The following UBE4B variants were observed in gnomAD, a reference collection of about 807,000 sequenced individuals.
UBE4B encodes the protein ubiquitination factor E4B.
A neutral mutation model predicts 148.1 loss-of-function variants in UBE4B; 27 were observed. The observed-to-expected ratio is 0.18, with a 90% CI of 0.13 to 0.25. UBE4B has a LOEUF of 0.25. UBE4B is among the 10% of genes least tolerant of loss of function. The pLI, the probability that UBE4B is intolerant of heterozygous loss-of-function variation, is 1.00. For missense variants in UBE4B, 1,170 were observed against 1,662.4 expected (o/e 0.70, Z 5.15); for synonymous variants, 596 against 619.3 (o/e 0.96, Z 0.56).
rs1645701842 is a variant in UBE4B at position 10,137,201 on chromosome 1, A to C, written c.2359A>C (p.Asn787His). The C allele has an allele frequency of 6.2e-7, 1 of 1,614,078 alleles. No homozygotes were observed. Among genetic ancestry groups the C allele is most frequent in the Non-Finnish European group, 8.5e-7 (1 of 1,179,980 alleles). The change falls in exon 17 of 28, where the codon AAT becomes CAT. Residue 787 changes from asparagine to histidine, a missense_variant. Coordinates refer to ENST00000343090, the MANE Select transcript of UBE4B (RefSeq NM_001105562.3). ...CAGACTCCGGGCTATCCGGGAGCTCAATAGGTATGTGCCATGATACCGTGT... is the reference window on the plus strand; with the variant it reads ...CAGACTCCGGGCTATCCGGGAGCTCCATAGGTATGTGCCATGATACCGTGT... ...IRRLRAIREL[N>H]RTVEDLKNNE... is the part of the protein sequence containing the mutation.
intron 25 of UBE4B, among the ~76,000 whole-genome samples, chr1:10,171,943 TG>T (rs1176631842): frequency 1.3e-5 from 2 of 152,218 alleles, no homozygotes; most frequent in Non-Finnish European, 2.9e-5. Flanking sequence ...TTTGGCGCTC[TG>T]AGCCCTCTCC....
chr1:10,089,050 A>C (rs915404214), intron 2 of UBE4B, among the ~76,000 whole-genome samples: 5 of 152,242 alleles, frequency 3.3e-5, no homozygotes, highest in African/African-American at 1.2e-4. Flanking sequence ...TCTATGGCCC[A>C]GGCTGGAGTG....
At chr1:10,152,121 C>T (rs1207048372) in intron 21 of UBE4B, among the ~76,000 whole-genome samples, 1 of 151,640 alleles carries the variant, frequency 6.6e-6, no homozygotes, top group East Asian at 1.9e-4. Context: ...ATTAAATTAG[C>T]CGGGCATGGT....
intron 17 of UBE4B, among the ~76,000 whole-genome samples, chr1:10,138,036 G>A (rs894759992): frequency 2.1e-5 from 3 of 144,738 alleles, no homozygotes; most frequent in Admixed American, 7.1e-5. Context: ...CCAGGTTCAA[G>A]CGATTCTCCT....
chr1:10,136,789 C>G (rs1386449431), intron 16 of UBE4B, among the ~76,000 whole-genome samples: 2 of 151,976 alleles, frequency 1.3e-5, no homozygotes, highest in African/African-American at 2.4e-5. Context: ...TGTGGTAGCA[C>G]ACGCCTGTAA....
intron 2 of UBE4B, among the ~76,000 whole-genome samples, chr1:10,088,522 C>T (rs1441548054): frequency 6.7e-6 from 1 of 148,838 alleles, no homozygotes; most frequent in Non-Finnish European, 1.5e-5. Context: ...ATCACAGGTG[C>T]CCGCCACCAT....
At chr1:10,083,985 TG>T (rs1644724958) in intron 2 of UBE4B, among the ~76,000 whole-genome samples, 2 of 152,240 alleles carry the variant, frequency 1.3e-5, no homozygotes, top group Admixed American at 6.5e-5. Context: ...TGTTTTGACT[TG>T]GGGTTGATTC....
chr1:10,129,946 C>T (rs1383028079), intron 12 of UBE4B, among the ~76,000 whole-genome samples: 3 of 152,118 alleles, frequency 2.0e-5, no homozygotes, highest in South Asian at 4.1e-4. Flanking sequence ...GCCACCGCAC[C>T]GGGCCTGTTT....
At chr1:10,119,172 T>G (rs903631860) in intron 8 of UBE4B, among the ~76,000 whole-genome samples, 1 of 151,996 alleles carries the variant, frequency 6.6e-6, no homozygotes, top group Admixed American at 6.6e-5. Context: ...TGAGCCACCG[T>G]GCCCGGCCCA....
chr1:10,102,696 C>G (rs1414485448), intron 4 of UBE4B, among the ~76,000 whole-genome samples: 2 of 152,036 alleles, frequency 1.3e-5, no homozygotes, highest in African/African-American at 4.8e-5. Context: ...CAGGTGTGAG[C>G]CACCACGCCC....
intron 2 of UBE4B, 85 bp from the exon 3 acceptor site, chr1:10,095,376 G>C (rs1644914426): frequency 6.5e-7 from 1 of 1,537,956 alleles, no homozygotes; most frequent in Non-Finnish European, 8.8e-7. Context: ...GGTGACTGCA[G>C]ATTGTGCGTG....
chr1:10,096,662 C>T (rs971852398), intron 3 of UBE4B, among the ~76,000 whole-genome samples: 4 of 151,964 alleles, frequency 2.6e-5, no homozygotes, highest in African/African-American at 9.7e-5. Flanking sequence ...GTGGAGGTTG[C>T]AGTGAACCAA....
chr1:10,038,762 C>T (rs1486660507), intron 1 of UBE4B, among the ~76,000 whole-genome samples: 1 of 152,134 alleles, frequency 6.6e-6, no homozygotes, highest in Non-Finnish European at 1.5e-5. Context: ...ACTGGTCCTC[C>T]CACTCCCAAT....
At chr1:10,096,409 G>A (rs914214398) in intron 3 of UBE4B, among the ~76,000 whole-genome samples, 5 of 152,022 alleles carry the variant, frequency 3.3e-5, no homozygotes, top group Non-Finnish European at 5.9e-5. Flanking sequence ...CAGTGGCCTC[G>A]GTTTGTGTCA....
Position 10,106,012 on chromosome 1 carries a change from G to A in UBE4B, c.810-185G>A, listed in dbSNP as rs550037933. On this transcript the variant is annotated intron_variant, in intron 6 of 27. Coordinates refer to ENST00000343090, the MANE Select transcript of UBE4B (RefSeq NM_001105562.3). The surrounding 1 kb of genome is among the most constrained non-coding windows in gnomAD (Gnocchi z 4.2). ...TCATTCTTCGAATGGGGACTTTATC[G>A]TCTTGTAAGTATAGCCTCTAGATCA... Among the ~76,000 whole-genome samples, 16 of 151,952 alleles carry A rather than the reference G, an allele frequency of 1.1e-4. No individual in the cohort carries two copies. The highest frequency in any genetic ancestry group is 1.9e-4 in the Non-Finnish European group (13 of 67,990).
At position 10,101,224 on chromosome 1, in the gene UBE4B, G is replaced by A. The variant is rs143209769; in HGVS notation, c.435+29G>A. ...GGTAAGCGATGAAGCCCTTGGTACA[G>A]GTAATAGAAATAAACACATTTCATG... On this transcript the variant is annotated intron_variant, in intron 4 of 27. Transcript: ENST00000343090. 7.1e-4 allele frequency: 1,145 copies of A among 1,605,422 alleles called. 6 individuals carry two copies. In the Middle Eastern group the frequency reaches 0.022, roughly 31 times the overall value.
At chr1:10,177,885 A>T (rs1325127354) in intron 25 of UBE4B, among the ~76,000 whole-genome samples, 1 of 151,746 alleles carries the variant, frequency 6.6e-6, no homozygotes, top group Non-Finnish European at 1.5e-5. Context: ...CCCATTTTAC[A>T]CTCAAAGAAC....
chr1:10,061,734 C>T (rs1036546322), intron 1 of UBE4B, among the ~76,000 whole-genome samples: 6 of 151,978 alleles, frequency 3.9e-5, no homozygotes, highest in Non-Finnish European at 5.9e-5. Context: ...GAAATCAAGC[C>T]GCACCAGCAA....
intron 21 of UBE4B, among the ~76,000 whole-genome samples, chr1:10,157,560 A>ACT (rs1646093901): frequency 6.6e-6 from 1 of 152,162 alleles, no homozygotes; most frequent in Non-Finnish European, 1.5e-5. Context: ...TGGGTGGATC[A>ACT]TGAGGCCAAG....
Sources: gnomAD v4.1 joint callset for allele counts (sites outside exome capture counted in the v4.1 genomes callset) on GRCh38, gnomAD v4.1.1 for gene constraint, Gnocchi (gnomAD v3.1) non-coding constraint, MANE v1.5 for transcripts, NCBI Gene and HGNC (gene_info 2026-07-23, HGNC 2026-07-21) for gene names.